TMEM170B: variants seen among roughly 807,000 people sequenced by gnomAD.
TMEM170B encodes transmembrane protein 170B.
In TMEM170B, 6 loss-of-function variants were observed where a neutral mutation model predicts 13.0. That is an observed-to-expected ratio of 0.46 (90% CI 0.25 to 0.91). The LOEUF (loss-of-function observed/expected upper bound fraction) is 0.91, where lower values mean the gene tolerates loss of function less well. Ranked by LOEUF, TMEM170B falls within the 40% of genes least tolerant of loss-of-function variation. The probability of loss-of-function intolerance (pLI) is 0.17; values close to 1 mark genes in which losing one functional copy is unlikely to be tolerated. For missense variants in TMEM170B, 138 were observed against 165.2 expected (o/e 0.84, Z 0.90); for synonymous variants, 61 against 64.9 (o/e 0.94, Z 0.29).
At chr6:11,544,268 A>G (rs1759400509) in intron 1 of TMEM170B, among the ~76,000 whole-genome samples, 1 of 152,214 alleles carries the variant, frequency 6.6e-6, no homozygotes, top group African/African-American at 2.4e-5. Flanking sequence ...CATGACACTC[A>G]AAGGAAATAC....
Position 11,545,317 on chromosome 6 carries a change from TAGTAGTA to T in TMEM170B, c.97+6951_97+6957del, listed in dbSNP as rs570831309. Among the ~76,000 whole-genome samples the T allele has an allele frequency of 2.6e-4, 39 of 151,632 alleles. No homozygotes were observed. The East Asian group carries it at 6.8e-3, about 26-fold the overall frequency. Reference sequence around the variant, plus strand: ...GTGTGTGTGTGTGTGTGTGTAGTACTAGTAGTAAGTAGTAGTAGTAGTAGTAGTCCCG... The same window carrying T: ...GTGTGTGTGTGTGTGTGTGTAGTACTAGTAGTAGTAGTAGTAGTAGTCCCG... On this transcript the variant is annotated intron_variant, in intron 1 of 2. Coordinates refer to ENST00000379426, the MANE Select transcript of TMEM170B (RefSeq NM_001100829.3).
At position 11,555,895 on chromosome 6, in the gene TMEM170B, GCC is replaced by G. The variant is rs1759582505; in HGVS notation, c.98-9770_98-9769del. ...TACAAGGCCGGGCGCGGTGGCTCAC[GCC>G]TGTAATCCCAGCACTTTGGGAGGCC... On this transcript the variant is annotated intron_variant, in intron 1 of 2. Transcript: ENST00000379426. 2.7e-4 allele frequency among the ~76,000 whole-genome samples: 2 copies of G among 7,286 alleles called. 1 individual carries two copies. Among genetic ancestry groups the G allele is most frequent in the African/African-American group, 2.9e-4 (2 of 6,904 alleles). 4.8% of individuals were successfully genotyped at this position (7,286 alleles called of 152,430 possible). A position where few individuals can be genotyped will look rare whatever the true frequency, so the allele number is the denominator to read the frequency against.
At chr6:11,553,896 A>T (rs1213233273) in intron 1 of TMEM170B, among the ~76,000 whole-genome samples, 1 of 152,144 alleles carries the variant, frequency 6.6e-6, no homozygotes, top group Non-Finnish European at 1.5e-5. Context: ...AGGAAACTTG[A>T]TTCAGTATTT....
intron 1 of TMEM170B, among the ~76,000 whole-genome samples, chr6:11,556,869 G>A (rs535214945): frequency 6.6e-6 from 1 of 152,178 alleles, no homozygotes; most frequent in African/African-American, 2.4e-5. Context: ...GAGAAGGGTC[G>A]CAAGAAACAA....
rs943207730 is a variant in TMEM170B, at chr6:11,578,116, A to G, written c.*2555A>G. ...AAGCTTTTTTTCAGTGAACACTTTC[A>G]TGTTCTAGTGGAAAATTTGTTCAGT... On this transcript the variant is annotated 3_prime_UTR_variant, in exon 3 of 3. Coordinates refer to ENST00000379426, the MANE Select transcript of TMEM170B (RefSeq NM_001100829.3). 2.0e-5 allele frequency: 3 copies of G among 152,118 alleles called. No individual in the cohort carries two copies. The highest frequency in any genetic ancestry group is 4.4e-5 in the Non-Finnish European group (3 of 67,978). The allele number at this position is 152,118 out of a possible 1,614,324, so 9.4% of individuals were successfully genotyped here.
Position 11,583,007 on chromosome 6 carries a change from T to A in TMEM170B, c.*7446T>A, listed in dbSNP as rs1316917534. ...TTTTAATTTTATATAAGCAATTTTT[T>A]ATTTCCCAATTCATGTACAAATCTC... is the stretch of plus-strand genomic sequence containing the variant. On this transcript the variant is annotated 3_prime_UTR_variant, in exon 3 of 3. Coordinates refer to ENST00000379426, the MANE Select transcript of TMEM170B (RefSeq NM_001100829.3). 6.6e-6 allele frequency: 1 copy of A among 152,202 alleles called. No homozygotes were observed. Among genetic ancestry groups the A allele is most frequent in the Non-Finnish European group, 1.5e-5 (1 of 68,020 alleles). The allele number at this position is 152,202 out of a possible 1,614,324, so 9.4% of individuals were successfully genotyped here. A position where few individuals can be genotyped will look rare whatever the true frequency, so the allele number is the denominator to read the frequency against.
intron 1 of TMEM170B, among the ~76,000 whole-genome samples, chr6:11,543,961 GTAA>G (rs1391485182): frequency 6.6e-6 from 1 of 152,096 alleles, no homozygotes; most frequent in African/African-American, 2.4e-5. Flanking sequence ...TTCTTAAAAA[GTAA>G]TAATGAGAAC....
In TMEM170B at chr6:11,576,777, C is replaced by T. The variant is rs1490302788; in HGVS notation, c.*1216C>T. On this transcript the variant is annotated 3_prime_UTR_variant, in exon 3 of 3. Coordinates refer to ENST00000379426, the MANE Select transcript of TMEM170B (RefSeq NM_001100829.3). ...CTCAGCATATCAATGCAGTACTGAG[C>T]GTGTATTAGAGTAATTCAGTTGTTC... 2.0e-5 allele frequency: 3 copies of T among 151,888 alleles called. No individual in the cohort carries two copies. Among genetic ancestry groups the T allele is most frequent in the Non-Finnish European group, 2.9e-5 (2 of 67,936 alleles). The allele number at this position is 151,888 out of a possible 1,614,324, so 9.4% of individuals were successfully genotyped here.
At chr6:11,565,319 A>G (rs1759719517) in intron 1 of TMEM170B, among the ~76,000 whole-genome samples, 1 of 152,238 alleles carries the variant, frequency 6.6e-6, no homozygotes, top group African/African-American at 2.4e-5. Flanking sequence ...AGAAAATAAA[A>G]AATTCTATTT....
chr6:11,541,101 A>T (rs1341778996), intron 1 of TMEM170B, among the ~76,000 whole-genome samples: 1 of 152,138 alleles, frequency 6.6e-6, no homozygotes, highest in Non-Finnish European at 1.5e-5. Context: ...TAGATTTAGC[A>T]TAATTCTCAA....
intron 1 of TMEM170B, among the ~76,000 whole-genome samples, chr6:11,544,627 C>T (rs1276454880): frequency 2.0e-5 from 3 of 152,198 alleles, no homozygotes; most frequent in Non-Finnish European, 2.9e-5. Context: ...TTTCCCCTAC[C>T]TTGGAAGACA....
At chr6:11,562,796 T>A (rs1759685705) in intron 1 of TMEM170B, among the ~76,000 whole-genome samples, 1 of 152,182 alleles carries the variant, frequency 6.6e-6, no homozygotes, top group Middle Eastern at 3.2e-3. Flanking sequence ...ATTGTGTATT[T>A]AGTTCTATAC....
chr6:11,549,357 A>T (rs1329524393), intron 1 of TMEM170B, among the ~76,000 whole-genome samples: 1 of 152,184 alleles, frequency 6.6e-6, no homozygotes. Context: ...CAGTGGCAGT[A>T]CCAACACATT....
chr6:11,542,051 T>G (rs58143213), intron 1 of TMEM170B, among the ~76,000 whole-genome samples: 13,188 of 152,156 alleles, frequency 0.087, 853 homozygotes, highest in African/African-American at 0.18. Flanking sequence ...GAAATATTGT[T>G]AGAATTACCA....
intron 1 of TMEM170B, among the ~76,000 whole-genome samples, chr6:11,547,336 G>T (rs1008330900): frequency 2.0e-5 from 3 of 152,106 alleles, no homozygotes; most frequent in Non-Finnish European, 2.9e-5. Flanking sequence ...TTCTCTTGGG[G>T]TTACTCTGTA....
chr6:11,563,670 G>A (rs1759699183), intron 1 of TMEM170B, among the ~76,000 whole-genome samples: 1 of 152,124 alleles, frequency 6.6e-6, no homozygotes, highest in South Asian at 2.1e-4. Context: ...TGATTTTAAA[G>A]GTTACAACTT....
At chr6:11,548,508 A>C (rs1361851681) in intron 1 of TMEM170B, among the ~76,000 whole-genome samples, 6 of 150,992 alleles carry the variant, frequency 4.0e-5, no homozygotes, top group African/African-American at 1.2e-4. Flanking sequence ...CATTGTGGAA[A>C]ACTGTGGCGA....
At chr6:11,555,762 T>C (rs1204593511) in intron 1 of TMEM170B, among the ~76,000 whole-genome samples, 2 of 152,240 alleles carry the variant, frequency 1.3e-5, no homozygotes, top group Non-Finnish European at 2.9e-5. Flanking sequence ...GGGCCATCTC[T>C]GACTCTGGTT....
chr6:11,554,393 A>G (rs1028459683), intron 1 of TMEM170B, among the ~76,000 whole-genome samples: 6 of 151,970 alleles, frequency 3.9e-5, no homozygotes, highest in African/African-American at 1.4e-4. Context: ...AGATTTTGAC[A>G]TTTAATCCTT....
Sources: gnomAD v4.1 joint callset for allele counts (sites outside exome capture counted in the v4.1 genomes callset) on GRCh38, gnomAD v4.1.1 for gene constraint, MANE v1.5 for transcripts, NCBI Gene and HGNC (gene_info 2026-07-23, HGNC 2026-07-21) for gene names.